SMAD2: variants seen among roughly 807,000 people sequenced by gnomAD.
SMAD2 encodes SMAD family member 2, also known as MAD homolog 2.
Under a neutral mutation model 64.4 loss-of-function variants are expected in SMAD2, and 8 were observed. The observed-to-expected ratio is 0.12, with a 90% CI of 0.07 to 0.22. The LOEUF (loss-of-function observed/expected upper bound fraction) is 0.22. SMAD2 is among the 10% of genes least tolerant of loss of function. The pLI is 1.00. For missense variants in SMAD2, 289 were observed against 561.2 expected, an observed-to-expected ratio of 0.51 and a Z score of 4.90; for synonymous variants, 203 against 195.8, an observed-to-expected ratio of 1.04 and a Z score of -0.31.
At chr18:47,850,766 ATACATTATG>A (rs2029901010) in intron 7 of SMAD2, among the ~76,000 whole-genome samples, 1 of 13,458 alleles carries the variant, frequency 7.4e-5, no homozygotes, top group Non-Finnish European at 1.4e-4. Context: ...TATATATTAT[ATACATTATG>A]TATAATATAT....
chr18:47,915,327 G>C (rs1255423627), intron 1 of SMAD2, among the ~76,000 whole-genome samples: 1 of 152,098 alleles, frequency 6.6e-6, no homozygotes, highest in Non-Finnish European at 1.5e-5. Context: ...TTATATGAAA[G>C]TGTGATACTG....
chr18:47,905,045 C>A (rs542484516), intron 1 of SMAD2, among the ~76,000 whole-genome samples: 6 of 152,182 alleles, frequency 3.9e-5, no homozygotes, highest in African/African-American at 1.2e-4. Context: ...AAAAGATAGA[C>A]TGGAAAGAAA....
Position 47,817,321 on chromosome 18 carries a change from T to C in SMAD2, c.*24506A>G, listed in dbSNP as rs2144230179. On this transcript the variant is annotated 3_prime_UTR_variant, in exon 11 of 11. Transcript: ENST00000262160. ...CCACTTTTGGCAGAGGCTTTTTGAC[T>C]TGACTTTGGATTTGTCTTGGTTCTA... 1 of 152,378 alleles carries C rather than the reference T, an allele frequency of 6.6e-6. No individual in the cohort carries two copies. The highest frequency in any genetic ancestry group is 2.1e-4 in the South Asian group (1 of 4,834). 9.4% of individuals were successfully genotyped at this position (152,378 alleles called of 1,614,324 possible). A position where few individuals can be genotyped will look rare whatever the true frequency, so the allele number is the denominator to read the frequency against.
At chr18:47,879,457 A>C (rs1333073878) in intron 2 of SMAD2, among the ~76,000 whole-genome samples, 2 of 150,596 alleles carry the variant, frequency 1.3e-5, no homozygotes, top group East Asian at 2.0e-4. Flanking sequence ...TTTTTGACTC[A>C]GCATGATTTT....
chr18:47,906,916 C>A (rs1210754752), intron 1 of SMAD2, among the ~76,000 whole-genome samples: 1 of 152,050 alleles, frequency 6.6e-6, no homozygotes, highest in Non-Finnish European at 1.5e-5. Context: ...CATTTAAAGC[C>A]CACCCAGATA....
chr18:47,853,548 A>G (rs902316509), intron 6 of SMAD2: 7 of 182,046 alleles, frequency 3.8e-5, no homozygotes, highest in Admixed American at 1.3e-4. Context: ...AAAAAGAGTA[A>G]GATAGGTCAG....
intron 10 of SMAD2, chr18:47,845,051 T>G: frequency 1.7e-6 from 1 of 578,930 alleles, no homozygotes; most frequent in South Asian, 2.3e-5. Context: ...TGCAAACATC[T>G]CTCCTTCCAT....
At chr18:47,907,369 C>T (rs1451758775) in intron 1 of SMAD2, among the ~76,000 whole-genome samples, 4 of 152,118 alleles carry the variant, frequency 2.6e-5, no homozygotes, top group Non-Finnish European at 4.4e-5. Flanking sequence ...CTCCACAACA[C>T]GGATCAGTCT....
At chr18:47,884,143 A>C (rs1174030862) in intron 2 of SMAD2, among the ~76,000 whole-genome samples, 1 of 152,212 alleles carries the variant, frequency 6.6e-6, no homozygotes. Flanking sequence ...AGACAGCATC[A>C]TTATGTGAGT....
At chr18:47,917,681 C>T (rs1286406297) in intron 1 of SMAD2, among the ~76,000 whole-genome samples, 1 of 152,036 alleles carries the variant, frequency 6.6e-6, no homozygotes, top group Non-Finnish European at 1.5e-5. Context: ...AAAACTTTAA[C>T]TCATCATTGC....
chr18:47,834,370 T>A lies in SMAD2; in HGVS notation c.*7457A>T, dbSNP rs1410089648. On this transcript the variant is annotated 3_prime_UTR_variant, in exon 11 of 11. Transcript: ENST00000262160. ...GCAGTGGTTAAGGCCTCTGATGTGC[T>A]ACTTATCAGAAAAATCCACATATAT... is the stretch of plus-strand genomic sequence containing the variant. 1 of 207,854 alleles carries A rather than the reference T, an allele frequency of 4.8e-6. No homozygotes were observed. The highest frequency in any genetic ancestry group is 2.3e-5 in the African/African-American group (1 of 43,912). The allele number at this position is 207,854 out of a possible 1,614,324, so 12.9% of individuals were successfully genotyped here.
chr18:47,828,935 TAAAAAAAAAAAAAA>T lies in SMAD2; in HGVS notation c.*12878_*12891del, dbSNP rs747216495. The T allele has an allele frequency of 3.1e-5, 1 of 32,462 alleles. No homozygotes were observed. Among genetic ancestry groups the T allele is most frequent in the South Asian group, 3.0e-3 (1 of 330 alleles). The allele number at this position is 32,462 out of a possible 1,614,324, so 2.0% of individuals were successfully genotyped here. ...ACACCCAAGAATGATCAATAAATAC[TAAAAAAAAAAAAAA>T]AAAAAAAAAAAAAGACTTTAGTTCA... On this transcript the variant is annotated 3_prime_UTR_variant, in exon 11 of 11. Coordinates refer to ENST00000262160, the MANE Select transcript of SMAD2 (RefSeq NM_005901.6).
At chr18:47,842,810 T>C (rs1046682738) in intron 10 of SMAD2, among the ~76,000 whole-genome samples, 1 of 152,174 alleles carries the variant, frequency 6.6e-6, no homozygotes, top group African/African-American at 2.4e-5. Flanking sequence ...ATTCGGGCTT[T>C]TAATAGTGCT....
chr18:47,841,970 A>T lies in SMAD2; in HGVS notation c.1281-20T>A. On this transcript the variant is annotated intron_variant, in intron 10 of 10. Transcript: ENST00000262160. ...TGCCTTCTGTTTAAAAGAATACAGG[A>T]AAATGATTATGAAATTCAAGTCCAC... 1 of 1,613,664 alleles carries T rather than the reference A, an allele frequency of 6.2e-7. No homozygotes were observed. The highest frequency in any genetic ancestry group is 8.5e-7 in the Non-Finnish European group (1 of 1,179,630).
intron 2 of SMAD2, among the ~76,000 whole-genome samples, chr18:47,890,312 A>C (rs1470049064): frequency 6.6e-6 from 1 of 152,230 alleles, no homozygotes; most frequent in Non-Finnish European, 1.5e-5. Context: ...CATATTTATA[A>C]AGTTTTATTG....
intron 2 of SMAD2, 124 bp downstream of exon 2, chr18:47,896,397 G>T: frequency 1.0e-6 from 1 of 985,738 alleles, no homozygotes; most frequent in South Asian, 1.4e-5. Context: ...TTTATACAAG[G>T]TTAAAAACAG....
rs553510444 is a variant in SMAD2, at chr18:47,905,574, T to C, written c.-53-8765A>G. 1.2e-4 allele frequency among the ~76,000 whole-genome samples: 18 copies of C among 151,884 alleles called. No homozygotes were observed. In the Middle Eastern group the frequency reaches 0.014, roughly 116 times the overall value. ...AGTAATCAAGAGTATAGAGTAGGCA[T>C]AAGAAAAAAAGATCAGTGGAACAGA... On this transcript the variant is annotated intron_variant, in intron 1 of 10. Coordinates refer to ENST00000262160, the MANE Select transcript of SMAD2 (RefSeq NM_005901.6).
At chr18:47,854,089 A>T (rs1319964069) in intron 6 of SMAD2, among the ~76,000 whole-genome samples, 5 of 70,194 alleles carry the variant, frequency 7.1e-5, no homozygotes, top group Admixed American at 1.8e-4. Flanking sequence ...AGAAGCCTTT[A>T]AAAAAAAAAA....
rs116123302 is a variant in SMAD2, at chr18:47,835,122, G to C, written c.*6705C>G. On this transcript the variant is annotated 3_prime_UTR_variant, in exon 11 of 11. Transcript: ENST00000262160. ...TCTTTCTTTACTCTTTTGTATAAAAGGTTAGTGTCACAGCTTCACTATCAC... is the reference window on the plus strand; with the variant it reads ...TCTTTCTTTACTCTTTTGTATAAAACGTTAGTGTCACAGCTTCACTATCAC... 1,062 of 220,614 alleles carry C rather than the reference G, an allele frequency of 4.8e-3. 11 individuals are homozygous for C. Among genetic ancestry groups the C allele is most frequent in the African/African-American group, 0.021 (955 of 44,700 alleles). 13.7% of individuals were successfully genotyped at this position (220,614 alleles called of 1,614,324 possible).
Sources: gnomAD v4.1 joint callset for allele counts (sites outside exome capture counted in the v4.1 genomes callset) on GRCh38, gnomAD v4.1.1 for gene constraint, MANE v1.5 for transcripts, NCBI Gene and HGNC (gene_info 2026-07-23, HGNC 2026-07-21) for gene names.